ACVR2A: variants seen among roughly 807,000 people sequenced by gnomAD.
The protein encoded by ACVR2A is activin A receptor type 2A, also known as activin receptor type-2A.
ACVR2A carries 7 observed loss-of-function variants against 61.4 expected under a neutral mutation model. The observed-to-expected ratio is 0.11, with a 90% CI of 0.06 to 0.21. The LOEUF (loss-of-function observed/expected upper bound fraction) is 0.21. ACVR2A is among the 10% of genes least tolerant of loss of function. The pLI is 1.00. For missense variants in ACVR2A, 322 were observed against 621.7 expected (o/e 0.52, Z 5.13); for synonymous variants, 193 against 208.3 (o/e 0.93, Z 0.63).
intron 4 of ACVR2A, among the ~76,000 whole-genome samples, chr2:147,902,525 A>G (rs563879123): frequency 2.8e-4 from 43 of 152,164 alleles, no homozygotes; most frequent in African/African-American, 9.6e-4. Context: ...CATCTTATGT[A>G]AACATTGTCT....
At chr2:147,877,178 C>A (rs1476599132) in intron 1 of ACVR2A, among the ~76,000 whole-genome samples, 1 of 152,034 alleles carries the variant, frequency 6.6e-6, no homozygotes, top group East Asian at 1.9e-4. Context: ...TTTTTTGAAT[C>A]TTTTGGTATC....
chr2:147,882,425 C>T (rs1052982709), intron 1 of ACVR2A, among the ~76,000 whole-genome samples: 1 of 152,166 alleles, frequency 6.6e-6, no homozygotes, highest in African/African-American at 2.4e-5. Flanking sequence ...GTGGCGTGCG[C>T]CTGTAATTCC....
At chr2:147,855,577 TC>T (rs970656907) in intron 1 of ACVR2A, among the ~76,000 whole-genome samples, 16 of 152,146 alleles carry the variant, frequency 1.1e-4, no homozygotes, top group African/African-American at 3.9e-4. Context: ...CTCTCCTAGA[TC>T]CCTTCCAGCT....
At chr2:147,926,984 C>A in intron 10 of ACVR2A, 96 bp from the exon 11 acceptor site, 1 of 1,189,922 alleles carries the variant, frequency 8.4e-7, no homozygotes, top group Non-Finnish European at 1.2e-6. Context: ...CTTCTTTGAC[C>A]CAGAAAAATA....
At chr2:147,897,937 G>A (rs1446532490) in intron 2 of ACVR2A, among the ~76,000 whole-genome samples, 2 of 152,122 alleles carry the variant, frequency 1.3e-5, no homozygotes, top group African/African-American at 4.8e-5. Flanking sequence ...AAATGAGTTT[G>A]GGAATCATCT....
intron 4 of ACVR2A, among the ~76,000 whole-genome samples, chr2:147,908,138 A>G (rs748200689): frequency 1.3e-5 from 2 of 152,044 alleles, no homozygotes; most frequent in African/African-American, 4.8e-5. Context: ...TAGTGACTAT[A>G]TGTGGCCTTG....
At chr2:147,896,650 A>G in intron 2 of ACVR2A, 142 bp downstream of exon 2, 1 of 695,490 alleles carries the variant, frequency 1.4e-6, no homozygotes, top group Non-Finnish European at 2.4e-6. Context: ...GAACATTATA[A>G]CATGCTGTAA....
chr2:147,867,242 G>T (rs1685879680), intron 1 of ACVR2A, among the ~76,000 whole-genome samples: 1 of 152,150 alleles, frequency 6.6e-6, no homozygotes, highest in African/African-American at 2.4e-5. Context: ...TTCAGCTGTG[G>T]TCTATTACTT....
chr2:147,917,883 T>C (rs946750663), intron 6 of ACVR2A, among the ~76,000 whole-genome samples: 2 of 151,946 alleles, frequency 1.3e-5, no homozygotes, highest in Admixed American at 6.6e-5. Flanking sequence ...AATTGCTAGT[T>C]TTCCTCAATT....
intron 1 of ACVR2A, among the ~76,000 whole-genome samples, chr2:147,845,694 C>A (rs1023910308): frequency 2.6e-5 from 4 of 152,196 alleles, no homozygotes; most frequent in African/African-American, 9.7e-5. Flanking sequence ...CTGTGGGAAA[C>A]AATACATCCT....
At chr2:147,866,312 A>G (rs1685853607) in intron 1 of ACVR2A, among the ~76,000 whole-genome samples, 1 of 152,208 alleles carries the variant, frequency 6.6e-6, no homozygotes, top group African/African-American at 2.4e-5. Context: ...AGATTAAAGC[A>G]GTGCTTCTCC....
chr2:147,852,536 C>A (rs563236973), intron 1 of ACVR2A, among the ~76,000 whole-genome samples: 1 of 152,114 alleles, frequency 6.6e-6, no homozygotes, highest in Non-Finnish European at 1.5e-5. Context: ...AATTAATCTA[C>A]AATAGAGACT....
At chr2:147,856,549 AG>A (rs1323106006) in intron 1 of ACVR2A, among the ~76,000 whole-genome samples, 9 of 152,180 alleles carry the variant, frequency 5.9e-5, no homozygotes, top group Non-Finnish European at 8.8e-5. Context: ...TTCATACTTC[AG>A]GATTAGTGAA....
intron 1 of ACVR2A, among the ~76,000 whole-genome samples, chr2:147,888,850 T>A (rs1231677459): frequency 2.0e-5 from 3 of 152,130 alleles, no homozygotes; most frequent in African/African-American, 7.2e-5. Context: ...AGTACTGTGT[T>A]AGAGTGTTGA....
chr2:147,898,283 CAA>C, intron 2 of ACVR2A: 1 of 151,888 alleles, frequency 6.6e-6, no homozygotes, highest in East Asian at 1.9e-4. Context: ...CAAGAATTGT[CAA>C]AGTGTGGAAG....
chr2:147,907,775 C>T (rs573865103), intron 4 of ACVR2A, among the ~76,000 whole-genome samples: 7 of 152,162 alleles, frequency 4.6e-5, no homozygotes, highest in African/African-American at 1.7e-4. Flanking sequence ...CCTGTAATCC[C>T]AGCACTTTAG....
intron 7 of ACVR2A, among the ~76,000 whole-genome samples, chr2:147,918,866 A>C (rs1006427092): frequency 1.5e-4 from 23 of 152,108 alleles, no homozygotes; most frequent in Non-Finnish European, 2.9e-5. Flanking sequence ...TCTCAAAGGA[A>C]AAAGACATTT....
chr2:147,929,130 A>T lies in ACVR2A; in HGVS notation c.*1856A>T, dbSNP rs1687589900. 6.6e-6 allele frequency: 1 copy of T among 152,382 alleles called. No homozygotes were observed. Among genetic ancestry groups the T allele is most frequent in the African/African-American group, 2.4e-5 (1 of 41,428 alleles). 9.4% of individuals were successfully genotyped at this position (152,382 alleles called of 1,614,324 possible). A position where few individuals can be genotyped will look rare whatever the true frequency, so the allele number is the denominator to read the frequency against. On this transcript the variant is annotated 3_prime_UTR_variant, in exon 11 of 11. Transcript: ENST00000241416. ...GAGTAATAGCGTCTGTGTGCTGCAG[A>T]CCATTCAGAACTGTCACGTGTGTCC...
intron 1 of ACVR2A, among the ~76,000 whole-genome samples, chr2:147,876,406 A>G (rs1260320691): frequency 1.3e-5 from 2 of 152,116 alleles, no homozygotes; most frequent in African/African-American, 2.4e-5. Flanking sequence ...CATTTTCTTT[A>G]TAGCAGTGTT....
Sources: gnomAD v4.1 joint callset for allele counts (sites outside exome capture counted in the v4.1 genomes callset) on GRCh38, gnomAD v4.1.1 for gene constraint, MANE v1.5 for transcripts, NCBI Gene and HGNC (gene_info 2026-07-23, HGNC 2026-07-21) for gene names.